Variants in UNC5B observed in about 807,000 individuals in gnomAD.
The protein encoded by UNC5B is netrin receptor UNC5B.
In UNC5B, 56 loss-of-function variants were observed where a neutral mutation model predicts 103.7. The observed-to-expected ratio is 0.54, with a 90% CI of 0.44 to 0.67. The LOEUF is 0.67. Ranked by LOEUF, UNC5B falls within the 30% of genes least tolerant of loss-of-function variation. UNC5B has a pLI of 0.00. For synonymous variants in UNC5B, 577 were observed against 542.0 expected (o/e 1.06, Z -0.90); for missense variants, 1,194 against 1,284.5 (o/e 0.93, Z 1.08).
chr10:71,264,574 T>C (rs962434896), intron 1 of UNC5B, among the ~76,000 whole-genome samples: 2 of 152,200 alleles, frequency 1.3e-5, no homozygotes, highest in Non-Finnish European at 2.9e-5. Context: ...AGCTGAATCA[T>C]AGAAGTGTTA....
At chr10:71,255,369 G>T (rs899339398) in intron 1 of UNC5B, among the ~76,000 whole-genome samples, 1 of 152,208 alleles carries the variant, frequency 6.6e-6, no homozygotes, top group South Asian at 2.1e-4. Flanking sequence ...TCACCAAGTT[G>T]TCATTCTCCG....
intron 5 of UNC5B, 88 bp from the exon 6 acceptor site, chr10:71,287,510 A>G: frequency 6.8e-7 from 1 of 1,477,648 alleles, no homozygotes; most frequent in South Asian, 1.4e-5. Context: ...GCTTCAGCAG[A>G]GGGGCCTCGT....
chr10:71,266,067 T>C (rs528074871), intron 1 of UNC5B, among the ~76,000 whole-genome samples: 1 of 152,250 alleles, frequency 6.6e-6, no homozygotes, highest in African/African-American at 2.4e-5. Flanking sequence ...GCCGTGCTTC[T>C]ATCCTTTCTT....
intron 1 of UNC5B, among the ~76,000 whole-genome samples, chr10:71,229,600 T>G (rs1843642357): frequency 6.6e-6 from 1 of 152,164 alleles, no homozygotes; most frequent in South Asian, 2.1e-4. Flanking sequence ...CCAGAGCGCT[T>G]GCCCGAGCTC....
intron 1 of UNC5B, among the ~76,000 whole-genome samples, chr10:71,260,900 A>T (rs1242045035): frequency 6.6e-6 from 1 of 152,220 alleles, no homozygotes; most frequent in East Asian, 1.9e-4. Flanking sequence ...AGCCCTGCGG[A>T]GAGGTTGCTG....
intron 1 of UNC5B, among the ~76,000 whole-genome samples, chr10:71,256,011 G>T (rs867296109): frequency 1.3e-5 from 2 of 152,206 alleles, no homozygotes; most frequent in African/African-American, 4.8e-5. Flanking sequence ...TCGGTTGGGC[G>T]GGGGCATGTT....
At chr10:71,264,288 C>A (rs1844476998) in intron 1 of UNC5B, among the ~76,000 whole-genome samples, 1 of 152,158 alleles carries the variant, frequency 6.6e-6, no homozygotes, top group South Asian at 2.1e-4. Context: ...ATAATAAAAA[C>A]AAGAATGCCG....
intron 1 of UNC5B, among the ~76,000 whole-genome samples, chr10:71,221,543 C>T (rs1248511160): frequency 1.3e-5 from 2 of 152,226 alleles, no homozygotes; most frequent in Non-Finnish European, 2.9e-5. Flanking sequence ...TTCATTCAGC[C>T]TGAGCAAGTG....
At chr10:71,225,889 C>T (rs1843552867) in intron 1 of UNC5B, among the ~76,000 whole-genome samples, 1 of 124,106 alleles carries the variant, frequency 8.1e-6, no homozygotes, top group African/African-American at 2.5e-5. Context: ...GCTGGCAGCA[C>T]ACCTGGCTGG....
At chr10:71,259,112 G>A (rs769261317) in intron 1 of UNC5B, among the ~76,000 whole-genome samples, 4 of 152,222 alleles carry the variant, frequency 2.6e-5, no homozygotes, top group East Asian at 1.9e-4. Context: ...TGACTGGGCC[G>A]GGTGCAGTGG....
Position 71,288,726 on chromosome 10 carries a change from A to G in UNC5B, c.1060A>G (p.Met354Val), listed in dbSNP as rs765078974. ...DSKNCTDGLC[M>V]QNKKTLSDPN... ...TAAGAACTGCACAGATGGGCTGTGC[A>G]TGCAAAGTGAGTCACAGGGAAGGTG... Residue 354 changes from methionine to valine, a missense_variant, in exon 7 of 17, where the codon ATG (methionine) becomes GTG (valine). By Grantham distance (21) the Met-to-Val change is conservative (BLOSUM62 1). Coordinates refer to ENST00000335350, the MANE Select transcript of UNC5B (RefSeq NM_170744.5). 2.5e-6 allele frequency: 4 copies of G among 1,608,710 alleles called. No homozygotes were observed. The highest frequency in any genetic ancestry group is 2.2e-5 in the South Asian group (2 of 90,720).
chr10:71,219,216 G>A (rs1564703537), intron 1 of UNC5B, among the ~76,000 whole-genome samples: 1 of 151,792 alleles, frequency 6.6e-6, no homozygotes, highest in Non-Finnish European at 1.5e-5. Context: ...TCACTTAGAA[G>A]GCTGAAGAGA....
intron 4 of UNC5B, among the ~76,000 whole-genome samples, chr10:71,285,717 T>C (rs1845059619): frequency 6.6e-6 from 1 of 152,190 alleles, no homozygotes; most frequent in Non-Finnish European, 1.5e-5. Context: ...GCTCAGTCTC[T>C]ATCTCCTGCC....
At chr10:71,241,121 C>G (rs998148634) in intron 1 of UNC5B, among the ~76,000 whole-genome samples, 22 of 152,196 alleles carry the variant, frequency 1.4e-4, no homozygotes, top group Admixed American at 9.2e-4. Context: ...GAACTAGGCC[C>G]CCATTTTACA....
At chr10:71,229,813 C>T (rs975877577) in intron 1 of UNC5B, among the ~76,000 whole-genome samples, 1 of 152,152 alleles carries the variant, frequency 6.6e-6, no homozygotes, top group Non-Finnish European at 1.5e-5. Context: ...ATGAGGGCCC[C>T]GTGTCCCTTG....
intron 1 of UNC5B, among the ~76,000 whole-genome samples, chr10:71,228,095 AG>A (rs1370833349): frequency 1.3e-5 from 2 of 152,362 alleles, no homozygotes; most frequent in Admixed American, 1.3e-4. Context: ...GTGGTATCAC[AG>A]GTCACTGGGG....
intron 1 of UNC5B, among the ~76,000 whole-genome samples, chr10:71,252,328 G>T (rs1487295921): frequency 1.3e-5 from 2 of 152,174 alleles, no homozygotes; most frequent in Non-Finnish European, 2.9e-5. Context: ...CATTGAGCAG[G>T]ATAGAGTTTG....
chr10:71,221,135 T>A (rs1843444389), intron 1 of UNC5B, among the ~76,000 whole-genome samples: 1 of 152,188 alleles, frequency 6.6e-6, no homozygotes, highest in African/African-American at 2.4e-5. Context: ...TTGCACGCAT[T>A]ATGCAGCCCT....
chr10:71,225,531 GAGA>G (rs1429236275), intron 1 of UNC5B, among the ~76,000 whole-genome samples: 9 of 152,226 alleles, frequency 5.9e-5, no homozygotes, highest in Admixed American at 5.9e-4. Context: ...TGCCACGTCA[GAGA>G]AGGTTAGTGT....
Sources: gnomAD v4.1 joint callset for allele counts (sites outside exome capture counted in the v4.1 genomes callset) on GRCh38, gnomAD v4.1.1 for gene constraint, MANE v1.5 for transcripts, NCBI Gene and HGNC (gene_info 2026-07-23, HGNC 2026-07-21) for gene names.